Variants in CDH7 observed in about 807,000 individuals in gnomAD.
CDH7 encodes cadherin-7.
In CDH7, 25 loss-of-function variants were observed where a neutral mutation model predicts 71.8. The ratio of observed to expected loss-of-function variants is 0.35; its 90% confidence interval spans 0.25 to 0.49. The LOEUF (loss-of-function observed/expected upper bound fraction) is 0.49. Among genes scored for constraint, CDH7 ranks in the 20% least tolerant of loss-of-function variants. The pLI is 0.99. For missense variants in CDH7, 862 were observed against 974.6 expected, an observed-to-expected ratio of 0.88 and a Z score of 1.54; for synonymous variants, 381 against 363.8, an observed-to-expected ratio of 1.05 and a Z score of -0.54.
At position 65,762,858 on chromosome 18, in the gene CDH7, G is replaced by A; in HGVS notation, c.16G>A (p.Val6Met). 6.2e-7 allele frequency: 1 copy of A among 1,611,706 alleles called. No homozygotes were observed. Among genetic ancestry groups the A allele is most frequent in the South Asian group, 1.1e-5 (1 of 90,702 alleles). MKLGK[V>M]EFCHFLQLIA... ...AAAAAAAAAGATGAAGTTGGGCAAA[G>A]TGGAGTTCTGCCATTTTCTGCAGCT... is the stretch of plus-strand genomic sequence containing the variant. The change falls in exon 2 of 12, where the codon GTG becomes ATG. Residue 6 changes from valine (V) to methionine (M), a missense_variant. Transcript: ENST00000397968.
At chr18:65,824,907 C>T (rs1221712360) in intron 6 of CDH7, 76 bp downstream of exon 6, 1 of 957,700 alleles carries the variant, frequency 1.0e-6, no homozygotes, top group African/African-American at 1.7e-5. Flanking sequence ...ATGTACTAGA[C>T]AAACCGAATG....
intron 2 of CDH7, among the ~76,000 whole-genome samples, chr18:65,777,652 G>A (rs1598996138): frequency 6.6e-6 from 1 of 152,060 alleles, no homozygotes; most frequent in East Asian, 1.9e-4. Context: ...TAGTAGGAAT[G>A]CATGCTCTCC....
chr18:65,794,631 C>A (rs1247265316), intron 2 of CDH7, among the ~76,000 whole-genome samples: 1 of 150,864 alleles, frequency 6.6e-6, no homozygotes, highest in East Asian at 1.9e-4. Flanking sequence ...GTTTTAAGTT[C>A]ACGTTTTTGC....
intron 6 of CDH7, among the ~76,000 whole-genome samples, chr18:65,828,025 C>G (rs1319486139): frequency 1.3e-5 from 2 of 151,382 alleles, no homozygotes; most frequent in African/African-American, 2.4e-5. Context: ...TTCCTACCCT[C>G]CTCCTTCTCC....
rs1914215089 is a variant in CDH7, at chr18:65,881,000, C to T, written c.*106C>T. The T allele has an allele frequency of 1.9e-6, 2 of 1,079,958 alleles. No individual in the cohort carries two copies. Among genetic ancestry groups the T allele is most frequent in the Non-Finnish European group, 2.6e-6 (2 of 773,386 alleles). The allele number at this position is 1,079,958 out of a possible 1,614,324, so 66.9% of individuals were successfully genotyped here. ...CTACATACAGAAAACAAGAACTCCC[C>T]TTGCTGGAGACAGATGGTTGTAAAT... On this transcript the variant is annotated 3_prime_UTR_variant, in exon 12 of 12. Transcript: ENST00000397968.
At chr18:65,752,322 A>T (rs544887875) in intron 1 of CDH7, among the ~76,000 whole-genome samples, 1 of 152,262 alleles carries the variant, frequency 6.6e-6, no homozygotes, top group Non-Finnish European at 1.5e-5. Context: ...CCTCACACAA[A>T]AAATGTGTAT....
Position 65,790,612 on chromosome 18 carries a change from C to A in CDH7, c.211-19092C>A, listed in dbSNP as rs184176258. Among the ~76,000 whole-genome samples, 7 of 152,120 alleles carry A rather than the reference C, an allele frequency of 4.6e-5. No individual in the cohort carries two copies. The East Asian group carries it at 1.2e-3, about 25-fold the overall frequency. On this transcript the variant is annotated intron_variant, in intron 2 of 11. Transcript: ENST00000397968. ...TGTATAAAAGGTAACTGATTGCCTG[C>A]AATCTCAGCACTTTGGGAGGCCAAG...
intron 2 of CDH7, among the ~76,000 whole-genome samples, chr18:65,789,706 A>G (rs140090370): frequency 1.3e-5 from 2 of 152,228 alleles, no homozygotes; most frequent in Non-Finnish European, 2.9e-5. Context: ...TTTGGAAAGT[A>G]GAATAGTTGT....
Position 65,824,710 on chromosome 18 carries a change from C to T in CDH7, c.860C>T (p.Ala287Val). The change falls in exon 6 of 12, where the codon GCT (alanine) becomes GTT (valine). Residue 287 changes from alanine (A) to valine (V), a missense_variant. Ala to Val is a moderately conservative substitution (Grantham distance 64). Coordinates refer to ENST00000397968, the MANE Select transcript of CDH7 (RefSeq NM_004361.5). ...VASVVARIKAADADIGANAEM... is the reference protein window; with the variant it reads ...VASVVARIKAVDADIGANAEM... Reference sequence around the variant, plus strand: ...TCAGTTGTGGCCAGAATTAAAGCTGCTGATGCAGATATTGGAGCTAATGCT... The same window carrying T: ...TCAGTTGTGGCCAGAATTAAAGCTGTTGATGCAGATATTGGAGCTAATGCT... 2 of 1,612,244 alleles carry T rather than the reference C, an allele frequency of 1.2e-6. No homozygotes were observed. Among genetic ancestry groups the T allele is most frequent in the Non-Finnish European group, 1.7e-6 (2 of 1,178,694 alleles).
At chr18:65,803,711 C>G (rs1403230569) in intron 2 of CDH7, 1 of 151,998 alleles carries the variant, frequency 6.6e-6, no homozygotes, top group African/African-American at 2.4e-5. Context: ...ATTTTTACTT[C>G]TGCCAATCAT....
intron 2 of CDH7, 95 bp downstream of exon 2, chr18:65,763,147 G>A: frequency 1.5e-6 from 1 of 665,176 alleles, no homozygotes; most frequent in South Asian, 5.8e-5. Context: ...TTTATTTTTT[G>A]CTATGGGGAT....
At chr18:65,788,436 G>A (rs867206384) in intron 2 of CDH7, among the ~76,000 whole-genome samples, 8 of 152,228 alleles carry the variant, frequency 5.3e-5, no homozygotes, top group Middle Eastern at 3.4e-3. Flanking sequence ...AAGAGAGAGG[G>A]AATGAGAGAG....
At position 65,762,920 on chromosome 18, in the gene CDH7, A is replaced by G; in HGVS notation, c.78A>G (p.Gln26=). ...ALFLCFSGMS[Q]AELSRSRSKP... is the part of the protein sequence containing the mutation. ...TCCTGTGTTTTTCTGGGATGAGTCA[A>G]GCAGAACTCTCAAGGTCCAGATCAA... The change falls in exon 2 of 12, where the codon CAA becomes CAG. Residue 26 remains glutamine, a synonymous_variant. Transcript: ENST00000397968. The G allele has an allele frequency of 1.2e-6, 2 of 1,613,706 alleles. No homozygotes were observed. The highest frequency in any genetic ancestry group is 1.7e-6 in the Non-Finnish European group (2 of 1,179,832).
Position 65,880,749 on chromosome 18 carries a change from A to G in CDH7, c.2213A>G (p.Asn738Ser), listed in dbSNP as rs1045863819. 6.2e-7 allele frequency: 1 copy of G among 1,613,974 alleles called. No homozygotes were observed. The highest frequency in any genetic ancestry group is 1.3e-5 in the African/African-American group (1 of 74,990). The change falls in exon 12 of 12, where the codon AAT (asparagine) becomes AGT (serine). Residue 738 changes from asparagine to serine, a missense_variant. Transcript: ENST00000397968. Reference sequence around the variant, plus strand: ...CTGCAGACATATGCTTTTGAAGGAAATGGCTCAGTTGCTGAATCACTCAGC... The same window carrying G: ...CTGCAGACATATGCTTTTGAAGGAAGTGGCTCAGTTGCTGAATCACTCAGC... Reference protein sequence around the residue: ...DSLQTYAFEGNGSVAESLSSL... With the variant: ...DSLQTYAFEGSGSVAESLSSL...
chr18:65,858,840 T>G (rs970190707), intron 8 of CDH7, 85 bp from the exon 9 acceptor site: 28 of 1,358,366 alleles, frequency 2.1e-5, no homozygotes, highest in Admixed American at 5.7e-5. Flanking sequence ...ATTCTAGATT[T>G]CATTCTCAGC....
intron 11 of CDH7, chr18:65,864,249 T>A (rs1333850889): frequency 1.3e-5 from 2 of 152,280 alleles, no homozygotes; most frequent in South Asian, 2.1e-4. Flanking sequence ...TTTTTATTGG[T>A]CTAGAAGCTT....
intron 11 of CDH7, among the ~76,000 whole-genome samples, chr18:65,877,009 C>A (rs1052743777): frequency 7.2e-5 from 11 of 152,162 alleles, no homozygotes; most frequent in African/African-American, 2.4e-4. Flanking sequence ...AATATATAAT[C>A]TTCTGCTTAC....
At chr18:65,787,287 T>C (rs1053347107) in intron 2 of CDH7, among the ~76,000 whole-genome samples, 4 of 152,202 alleles carry the variant, frequency 2.6e-5, no homozygotes, top group African/African-American at 9.6e-5. Flanking sequence ...GAAGGATTAT[T>C]AGAACTTGAT....
At chr18:65,834,104 G>C (rs1912449222) in intron 6 of CDH7, among the ~76,000 whole-genome samples, 1 of 152,126 alleles carries the variant, frequency 6.6e-6, no homozygotes, top group East Asian at 1.9e-4. Flanking sequence ...CCAAGAAAGA[G>C]ATATTTAAGA....
Sources: gnomAD v4.1 joint callset for allele counts (sites outside exome capture counted in the v4.1 genomes callset) on GRCh38, gnomAD v4.1.1 for gene constraint, MANE v1.5 for transcripts, NCBI Gene and HGNC (gene_info 2026-07-23, HGNC 2026-07-21) for gene names.